The following PCDHGB2 variants were observed in gnomAD, a reference collection of about 807,000 sequenced individuals.
PCDHGB2 encodes the protein protocadherin gamma-B2.
In PCDHGB2, 55 loss-of-function variants were observed where a neutral mutation model predicts 59.3. That is an observed-to-expected ratio of 0.93 (90% CI 0.75 to 1.16). The LOEUF is 1.16. Among genes scored for constraint, PCDHGB2 ranks in the 50% most tolerant of loss-of-function variants. The pLI is 0.00. For synonymous variants in PCDHGB2, 516 were observed against 512.0 expected (o/e 1.01, Z -0.11); for missense variants, 1,228 against 1,198.5 (o/e 1.02, Z -0.36).
Position 141,477,443 on chromosome 5 carries a change from G to C in PCDHGB2, c.2422-17364G>C. The C allele has an allele frequency of 6.2e-7, 1 of 1,614,136 alleles. No individual in the cohort carries two copies. Among genetic ancestry groups the C allele is most frequent in the Non-Finnish European group, 8.5e-7 (1 of 1,180,024 alleles). ...CCCTTCCCTCTCAGCCCTTACAATA[G>C]TGCGTGTTCAAGTGTCCGACATCAA... On this transcript the variant is annotated intron_variant, in intron 1 of 3. Coordinates refer to ENST00000522605, the MANE Select transcript of PCDHGB2 (RefSeq NM_018923.3). This position sits in a 1 kb window ranked among gnomAD's most constrained non-coding sequence, Gnocchi z 4.9.
In PCDHGB2 at chr5:141,431,326, T is replaced by G. The variant is rs1486136293; in HGVS notation, c.2422-63481T>G. 6.2e-7 allele frequency: 1 copy of G among 1,614,046 alleles called. No individual in the cohort carries two copies. Among genetic ancestry groups the G allele is most frequent in the Non-Finnish European group, 8.5e-7 (1 of 1,180,018 alleles). On this transcript the variant is annotated intron_variant, in intron 1 of 3. Transcript: ENST00000522605. This position sits in a 1 kb window ranked among gnomAD's most constrained non-coding sequence, Gnocchi z 4.8. Reference sequence around the variant, plus strand: ...TCGTGCAAAATGGAGCCGACGGTAGTAAGTACCCCGAATTGGTGCTGAAAC... The same window carrying G: ...TCGTGCAAAATGGAGCCGACGGTAGGAAGTACCCCGAATTGGTGCTGAAAC...
intron 1 of PCDHGB2, chr5:141,389,522 G>T (rs983186726): frequency 5.0e-6 from 8 of 1,613,060 alleles, no homozygotes; most frequent in Middle Eastern, 3.3e-4. Flanking sequence ...ACGTGAGCCT[G>T]CGCGTGTTAG....
At chr5:141,389,313 C>A (rs1279349887) in intron 1 of PCDHGB2, 2 of 1,614,024 alleles carry the variant, frequency 1.2e-6, no homozygotes, top group Admixed American at 3.3e-5. Context: ...GGCTTCTGAT[C>A]CGGACTTGGG....
rs1376914747 is a variant in PCDHGB2, at chr5:141,432,008, A to T, written c.2422-62799A>T. On this transcript the variant is annotated intron_variant, in intron 1 of 3. Coordinates refer to ENST00000522605, the MANE Select transcript of PCDHGB2 (RefSeq NM_018923.3). This position sits in a 1 kb window ranked among gnomAD's most constrained non-coding sequence, Gnocchi z 6.0. ...AGTCTTGGATAGGGAACAGGTTCCT[A>T]GCTACAACATCACAGTGACCGCCAC... 1 of 1,614,200 alleles carries T rather than the reference A, an allele frequency of 6.2e-7. No homozygotes were observed. The highest frequency in any genetic ancestry group is 2.2e-5 in the East Asian group (1 of 44,888).
At chr5:141,371,306 TG>T in intron 1 of PCDHGB2, 1 of 1,613,950 alleles carries the variant, frequency 6.2e-7, no homozygotes, top group Non-Finnish European at 8.5e-7. Flanking sequence ...TCACCACTAT[TG>T]GAGAACTGGA....
chr5:141,380,568 A>T (rs1449370426), intron 1 of PCDHGB2, among the ~76,000 whole-genome samples: 1 of 152,214 alleles, frequency 6.6e-6, no homozygotes, highest in Admixed American at 6.5e-5. Context: ...TTTATTAAAC[A>T]TATCTTGGCG....
At chr5:141,370,763 C>T (rs1309192707) in intron 1 of PCDHGB2, 1 of 1,613,816 alleles carries the variant, frequency 6.2e-7, no homozygotes, top group African/African-American at 1.3e-5. Context: ...CTGTGCTGAT[C>T]CAGGATATTA....
chr5:141,479,188 A>G (rs2099489531), intron 1 of PCDHGB2: 1 of 152,606 alleles, frequency 6.6e-6, no homozygotes. Context: ...TAGAAAATTC[A>G]GAAAATACAG....
At chr5:141,510,402 G>A (rs2099880998) in intron 3 of PCDHGB2, among the ~76,000 whole-genome samples, 1 of 152,008 alleles carries the variant, frequency 6.6e-6, no homozygotes, top group African/African-American at 2.4e-5. Flanking sequence ...GCAAAGGCTA[G>A]GGGCATGTAA....
intron 1 of PCDHGB2, among the ~76,000 whole-genome samples, chr5:141,474,248 A>G (rs2099346089): frequency 6.6e-6 from 1 of 152,220 alleles, no homozygotes; most frequent in African/African-American, 2.4e-5. Context: ...TAGGGGAAAA[A>G]AAGACTGATA....
At position 141,476,761 on chromosome 5, in the gene PCDHGB2, G is replaced by C. The variant is rs1293828206; in HGVS notation, c.2422-18046G>C. ...AGCCTAGTCTCCAGTTAGTGCTGAC[G>C]GCGTTGGACGGAGGGACCCCAGCTC... On this transcript the variant is annotated intron_variant, in intron 1 of 3. Transcript: ENST00000522605. This position sits in a 1 kb window ranked among gnomAD's most constrained non-coding sequence, Gnocchi z 7.6. 6.2e-7 allele frequency: 1 copy of C among 1,613,734 alleles called. No individual in the cohort carries two copies. Among genetic ancestry groups the C allele is most frequent in the East Asian group, 2.2e-5 (1 of 44,884 alleles).
At chr5:141,405,442 C>A in intron 1 of PCDHGB2, 1 of 1,378,146 alleles carries the variant, frequency 7.3e-7, no homozygotes, top group Non-Finnish European at 1.0e-6. Context: ...GTTTTTGAGA[C>A]AGAGTCTTAC....
At position 141,487,741 on chromosome 5, in the gene PCDHGB2, A is replaced by C. The variant is rs773413559; in HGVS notation, c.2422-7066A>C. 1.6e-4 allele frequency: 247 copies of C among 1,561,638 alleles called. 1 individual carries two copies. The highest frequency in any genetic ancestry group is 2.1e-4 in the Non-Finnish European group (244 of 1,151,698). On this transcript the variant is annotated intron_variant, in intron 1 of 3. Coordinates refer to ENST00000522605, the MANE Select transcript of PCDHGB2 (RefSeq NM_018923.3). This position sits in a 1 kb window ranked among gnomAD's most constrained non-coding sequence, Gnocchi z 5.0. ...ATAGTGATGTCACCATTTTTGTAAG[A>C]GGTAACTATGTGGTAGACGCTGTGC... is the stretch of plus-strand genomic sequence containing the variant.
chr5:141,488,714 A>G (rs2099678684), intron 1 of PCDHGB2, among the ~76,000 whole-genome samples: 1 of 152,192 alleles, frequency 6.6e-6, no homozygotes, highest in Non-Finnish European at 1.5e-5. Flanking sequence ...TGGTTCAAGC[A>G]AAGTGGTGGA....
chr5:141,372,268 A>T (rs374647960), intron 1 of PCDHGB2: 26 of 1,613,010 alleles, frequency 1.6e-5, no homozygotes, highest in Non-Finnish European at 1.9e-5. Flanking sequence ...CGCACGGGTG[A>T]GGTGCGCACG....
At chr5:141,409,745 T>G (rs968473065) in intron 1 of PCDHGB2, 9 of 1,613,074 alleles carry the variant, frequency 5.6e-6, no homozygotes, top group Non-Finnish European at 7.6e-6. Flanking sequence ...CGGGGTGGTG[T>G]TCGCGCAGCG....
In PCDHGB2 at chr5:141,476,089, C is replaced by A; in HGVS notation, c.2422-18718C>A. 1 of 1,560,716 alleles carries A rather than the reference C, an allele frequency of 6.4e-7. No individual in the cohort carries two copies. The highest frequency in any genetic ancestry group is 8.6e-7 in the Non-Finnish European group (1 of 1,158,372). On this transcript the variant is annotated intron_variant, in intron 1 of 3. Coordinates refer to ENST00000522605, the MANE Select transcript of PCDHGB2 (RefSeq NM_018923.3). This position sits in a 1 kb window ranked among gnomAD's most constrained non-coding sequence, Gnocchi z 7.6. ...CGAAATCTCAGGGACGATCTGGACC[C>A]CGCTGAGAGGAACTGCTTTTGAGTG...
In PCDHGB2 at chr5:141,422,942, G is replaced by T. The variant is rs199976232; in HGVS notation, c.2421+60386G>T. On this transcript the variant is annotated intron_variant, in intron 1 of 3. Transcript: ENST00000522605. Reference sequence around the variant, plus strand: ...CTGTACCCTGCCCTCCCCACAGACGGCTCCACTGGCGTGGAGCTGGCGCCC... The same window carrying T: ...CTGTACCCTGCCCTCCCCACAGACGTCTCCACTGGCGTGGAGCTGGCGCCC... The T allele has an allele frequency of 3.6e-4, 583 of 1,614,096 alleles. 1 individual carries two copies. Among genetic ancestry groups the T allele is most frequent in the South Asian group, 5.2e-4 (47 of 91,090 alleles).
Position 141,489,560 on chromosome 5 carries a change from A to C in PCDHGB2, c.2422-5247A>C, listed in dbSNP as rs749076412. On this transcript the variant is annotated intron_variant, in intron 1 of 3. Coordinates refer to ENST00000522605, the MANE Select transcript of PCDHGB2 (RefSeq NM_018923.3). This position sits in a 1 kb window ranked among gnomAD's most constrained non-coding sequence, Gnocchi z 4.5. Reference sequence around the variant, plus strand: ...AGCACCAGCTGCCTGCTGCCAGTGCAGGTGGTGACTGAACACCCCCTGGAG... The same window carrying C: ...AGCACCAGCTGCCTGCTGCCAGTGCCGGTGGTGACTGAACACCCCCTGGAG... 2 of 1,614,142 alleles carry C rather than the reference A, an allele frequency of 1.2e-6. No individual in the cohort carries two copies. Among genetic ancestry groups the C allele is most frequent in the Admixed American group, 3.3e-5 (2 of 60,024 alleles).
Sources: allele counts gnomAD v4.1 joint callset (sites outside exome capture counted in the v4.1 genomes callset), GRCh38; gene constraint gnomAD v4.1.1; non-coding constraint Gnocchi (gnomAD v3.1); transcripts MANE v1.5; gene names NCBI Gene and HGNC (gene_info 2026-07-23, HGNC 2026-07-21).